The following STK3 variants were observed in gnomAD, a reference collection of about 807,000 sequenced individuals.
The protein encoded by STK3 is serine/threonine-protein kinase 3.
STK3 carries 41 observed loss-of-function variants against 58.0 expected under a neutral mutation model. The observed-to-expected ratio is 0.71, with a 90% CI of 0.55 to 0.92. The LOEUF (loss-of-function observed/expected upper bound fraction) is 0.92, where lower values mean the gene tolerates loss of function less well. Among genes scored for constraint, STK3 ranks in the 40% least tolerant of loss-of-function variants. The probability of loss-of-function intolerance (pLI) is 0.00; values close to 1 mark genes in which losing one functional copy is unlikely to be tolerated. For synonymous variants in STK3, 170 were observed against 191.0 expected, an observed-to-expected ratio of 0.89 and a Z score of 0.91; for missense variants, 479 against 602.7, an observed-to-expected ratio of 0.79 and a Z score of 2.15.
At chr8:98,624,400 T>G (rs1818557798) in intron 6 of STK3, among the ~76,000 whole-genome samples, 1 of 152,156 alleles carries the variant, frequency 6.6e-6, no homozygotes, top group African/African-American at 2.4e-5. Context: ...TCTACTCCTT[T>G]TAGAGTTGTT....
intron 1 of STK3, among the ~76,000 whole-genome samples, chr8:98,809,737 C>T (rs577919337): frequency 2.3e-4 from 35 of 152,248 alleles, no homozygotes; most frequent in South Asian, 2.1e-3. Context: ...TCCATTCATC[C>T]GCTGGTGGAC....
At chr8:98,834,364 T>G (rs1835671060) in intron 3 of STK3, among the ~76,000 whole-genome samples, 1 of 152,200 alleles carries the variant, frequency 6.6e-6, no homozygotes, top group Non-Finnish European at 1.5e-5. Context: ...CTACTTATAT[T>G]AATTTTGTCT....
chr8:98,614,620 A>G (rs1817510729), intron 6 of STK3, among the ~76,000 whole-genome samples: 1 of 152,186 alleles, frequency 6.6e-6, no homozygotes, highest in South Asian at 2.1e-4. Context: ...CGCGAGCCGA[A>G]GCAGGGCGAG....
intron 10 of STK3, among the ~76,000 whole-genome samples, chr8:98,513,954 A>G (rs909339613): frequency 5.9e-5 from 9 of 152,296 alleles, no homozygotes; most frequent in African/African-American, 2.2e-4. Context: ...TCATCCCAAG[A>G]AAACCACATA....
At chr8:98,641,110 A>G (rs72666669) in intron 6 of STK3, among the ~76,000 whole-genome samples, 16,163 of 152,080 alleles carry the variant, frequency 0.11, 1,627 homozygotes, top group East Asian at 0.39. Flanking sequence ...TCCCAGCACT[A>G]TATCTTCCCC....
intron 6 of STK3, among the ~76,000 whole-genome samples, chr8:98,693,062 T>C (rs1213306683): frequency 1.3e-5 from 2 of 152,090 alleles, no homozygotes; most frequent in African/African-American, 4.8e-5. Flanking sequence ...AGTGCCCTTA[T>C]AAGAGAAAGG....
chr8:98,927,946 G>C (rs1335560741), intron 1 of STK3, among the ~76,000 whole-genome samples: 1 of 152,186 alleles, frequency 6.6e-6, no homozygotes, highest in Non-Finnish European at 1.5e-5. Context: ...GGACTTTTCG[G>C]TTACATGGAC....
At position 98,403,124 on chromosome 8, in the gene STK3, G is replaced by A. The variant is rs771483806; in HGVS notation, n.484-1611C>T. ...TCCTCCCCACCACACAACCACACTC[G>A]CAGCTGTCCACTTGAAGGTGGGCCT... On this transcript the variant is annotated intron_variant and non_coding_transcript_variant, in intron 3 of 3. Coordinates refer to the STK3 transcript ENST00000517832. Among the ~76,000 whole-genome samples the A allele has an allele frequency of 3.9e-5, 6 of 152,322 alleles. No homozygotes were observed. The East Asian group carries it at 5.8e-4, about 15-fold the overall frequency.
intron 10 of STK3, among the ~76,000 whole-genome samples, chr8:98,504,636 C>G (rs1413483666): frequency 2.0e-5 from 3 of 152,124 alleles, no homozygotes; most frequent in Non-Finnish European, 4.4e-5. Flanking sequence ...TTTTATTTCT[C>G]CTTCACTTAT....
At chr8:98,587,246 T>C (rs545493964) in intron 7 of STK3, among the ~76,000 whole-genome samples, 1 of 152,122 alleles carries the variant, frequency 6.6e-6, no homozygotes, top group African/African-American at 2.4e-5. Flanking sequence ...GCGCTATAAA[T>C]TTCCCTCTAC....
intron 1 of STK3, among the ~76,000 whole-genome samples, chr8:98,940,834 C>T (rs889537594): frequency 1.3e-5 from 2 of 152,230 alleles, no homozygotes; most frequent in Non-Finnish European, 2.9e-5. Context: ...TCTCAGAAAC[C>T]CACCAGGAGA....
At chr8:98,701,747 C>T (rs1362318358) in intron 6 of STK3, among the ~76,000 whole-genome samples, 5 of 152,036 alleles carry the variant, frequency 3.3e-5, no homozygotes, top group Non-Finnish European at 7.4e-5. Context: ...GAAGACTGAT[C>T]TCCTCAAAAG....
intron 9 of STK3, among the ~76,000 whole-genome samples, chr8:98,532,666 G>T (rs957920223): frequency 6.6e-6 from 1 of 152,034 alleles, no homozygotes; most frequent in Non-Finnish European, 1.5e-5. Context: ...CAATAATGAG[G>T]TATGCTTATG....
intron 6 of STK3, among the ~76,000 whole-genome samples, chr8:98,698,770 G>C (rs199879018): frequency 6.6e-6 from 1 of 152,072 alleles, no homozygotes; most frequent in Non-Finnish European, 1.5e-5. Flanking sequence ...TGGGTAACCC[G>C]ACCTTTCTCT....
intron 1 of STK3, among the ~76,000 whole-genome samples, chr8:98,911,582 C>T (rs1034987965): frequency 1.4e-4 from 22 of 152,046 alleles, no homozygotes; most frequent in Admixed American, 5.9e-4. Flanking sequence ...TTAGTAGAGA[C>T]GGGGTTTCAT....
chr8:98,529,413 T>C (rs907974585), intron 9 of STK3, among the ~76,000 whole-genome samples: 2 of 152,206 alleles, frequency 1.3e-5, no homozygotes, highest in Non-Finnish European at 2.9e-5. Flanking sequence ...TAGGTGAGGT[T>C]ATAAGAGAGA....
intron 6 of STK3, among the ~76,000 whole-genome samples, chr8:98,701,881 T>A (rs1451536737): frequency 6.6e-6 from 1 of 152,194 alleles, no homozygotes; most frequent in Non-Finnish European, 1.5e-5. Context: ...TTTAAAAAAA[T>A]TTGTTTCACT....
chr8:98,835,526 C>T (rs1406094520), intron 3 of STK3, among the ~76,000 whole-genome samples: 2 of 152,206 alleles, frequency 1.3e-5, no homozygotes, highest in African/African-American at 2.4e-5. Flanking sequence ...TTGGTTCCTG[C>T]AGTGCAGAGC....
At chr8:98,593,644 C>T (rs1410233129) in intron 7 of STK3, among the ~76,000 whole-genome samples, 1 of 152,156 alleles carries the variant, frequency 6.6e-6, no homozygotes. Flanking sequence ...TTGCATGCTC[C>T]TTATGAGAAT....
Sources: allele counts gnomAD v4.1 joint callset (sites outside exome capture counted in the v4.1 genomes callset), GRCh38; gene constraint gnomAD v4.1.1; transcripts MANE v1.5; gene names NCBI Gene and HGNC (gene_info 2026-07-23, HGNC 2026-07-21).